MCPH1: variants seen among roughly 807,000 people sequenced by gnomAD.
MCPH1 encodes the protein microcephalin 1.
MCPH1 carries 104 observed loss-of-function variants against 84.5 expected under a neutral mutation model. The observed-to-expected ratio is 1.23, with a 90% CI of 1.05 to 1.45. The LOEUF is 1.45. Ranked by LOEUF, MCPH1 falls within the 40% of genes most tolerant of loss-of-function variation. The pLI is 0.00. For missense variants in MCPH1, 1,498 were observed against 1,005.7 expected, an observed-to-expected ratio of 1.49 and a Z score of -6.62; for synonymous variants, 514 against 366.8, an observed-to-expected ratio of 1.40 and a Z score of -4.58.
Position 6,406,689 on chromosome 8 carries a change from G to A in MCPH1, c.22G>A (p.Asp8Asn), listed in dbSNP as rs749997244. The change falls in exon 1 of 14, where the codon GAT (aspartate) becomes AAT (asparagine). Residue 8 changes from aspartate (D) to asparagine (N), a missense_variant and splice_region_variant. Asp to Asn is a conservative substitution (Grantham distance 23). Transcript: ENST00000344683. ...TGTCATGGCGGCCCCCATCCTGAAA[G>A]GTGAGGTACTTCCTGCTGCCTGCTC... MAAPILK[D>N]VVAYVEVWSS... 6.6e-5 allele frequency: 106 copies of A among 1,612,102 alleles called. No homozygotes were observed. Among genetic ancestry groups the A allele is most frequent in the Non-Finnish European group, 8.0e-5 (94 of 1,179,560 alleles).
At chr8:6,560,121 CAT>C (rs371635397) in intron 12 of MCPH1, among the ~76,000 whole-genome samples, 5 of 152,294 alleles carry the variant, frequency 3.3e-5, no homozygotes, top group Middle Eastern at 6.8e-3. Flanking sequence ...CTTCCTGACA[CAT>C]GTTTTAATTT....
intron 11 of MCPH1, among the ~76,000 whole-genome samples, chr8:6,498,932 G>T (rs573276229): frequency 1.3e-5 from 2 of 152,094 alleles, no homozygotes; most frequent in South Asian, 4.2e-4. Context: ...GGCGCCTGTG[G>T]TCCCAGCTAC....
chr8:6,455,858 C>T (rs1030304341), intron 9 of MCPH1, among the ~76,000 whole-genome samples: 4 of 151,954 alleles, frequency 2.6e-5, no homozygotes, highest in Non-Finnish European at 4.4e-5. Flanking sequence ...TTTTATGAGG[C>T]CAAAAAAGTA....
At chr8:6,484,988 A>G (rs1405539612) in intron 11 of MCPH1, among the ~76,000 whole-genome samples, 2 of 152,250 alleles carry the variant, frequency 1.3e-5, no homozygotes, top group Non-Finnish European at 2.9e-5. Context: ...CTGTACACAC[A>G]TATGCACACA....
chr8:6,428,802 AAACAATGGTCTCT>A (rs1801434377), intron 3 of MCPH1, among the ~76,000 whole-genome samples: 1 of 152,268 alleles, frequency 6.6e-6, no homozygotes, highest in African/African-American at 2.4e-5. Context: ...TTATCATGAA[AAACAATGGTCTCT>A]TTCTTGACCC....
At chr8:6,456,001 G>A (rs1030750481) in intron 9 of MCPH1, among the ~76,000 whole-genome samples, 1 of 152,128 alleles carries the variant, frequency 6.6e-6, no homozygotes, top group African/African-American at 2.4e-5. Context: ...TTGAACAGAT[G>A]GGCGGCTGCA....
chr8:6,633,783 A>G (rs1797336447), intron 13 of MCPH1, among the ~76,000 whole-genome samples: 1 of 152,224 alleles, frequency 6.6e-6, no homozygotes, highest in African/African-American at 2.4e-5. Flanking sequence ...AACTCCATGC[A>G]TTACTCACTG....
intron 9 of MCPH1, among the ~76,000 whole-genome samples, chr8:6,456,965 C>T (rs2442502): frequency 0.67 from 102,400 of 151,876 alleles, 38,587 homozygotes; most frequent in Non-Finnish European, 0.82. Context: ...CCTGTTTGAC[C>T]TTCTGGCATT....
intron 3 of MCPH1, among the ~76,000 whole-genome samples, chr8:6,417,683 C>T (rs1169849043): frequency 6.6e-6 from 1 of 152,078 alleles, no homozygotes; most frequent in Non-Finnish European, 1.5e-5. Context: ...TGTGAGATTT[C>T]TCACCTTTGG....
At chr8:6,539,831 C>T (rs2129573480) in intron 12 of MCPH1, among the ~76,000 whole-genome samples, 1 of 152,338 alleles carries the variant, frequency 6.6e-6, no homozygotes, top group South Asian at 2.1e-4. Context: ...AGGCCATCTG[C>T]CTGCCTTGGC....
chr8:6,445,117 CA>C lies in MCPH1; in HGVS notation c.1402del (p.Thr468ProfsTer32). 1 of 1,614,046 alleles carries C rather than the reference CA, an allele frequency of 6.2e-7. No homozygotes were observed. Among genetic ancestry groups the C allele is most frequent in the Non-Finnish European group, 8.5e-7 (1 of 1,179,996 alleles). The part of the protein sequence containing the change: ...FEMSDFSCVG[K>X]KTRTVDITNF... Reference sequence around the variant, plus strand: ...AAATGTCTGATTTTTCCTGCGTTGGCAAAAAAACCAGAACAGTTGACATTAC... The same window carrying C: ...AAATGTCTGATTTTTCCTGCGTTGGCAAAAAACCAGAACAGTTGACATTAC... On this transcript the variant is annotated frameshift_variant, in exon 8 of 14. Transcript: ENST00000344683. LOFTEE classifies it high-confidence loss of function.
chr8:6,567,299 G>A (rs796115115), intron 12 of MCPH1, among the ~76,000 whole-genome samples: 22 of 144,976 alleles, frequency 1.5e-4, no homozygotes, highest in African/African-American at 5.5e-4. Flanking sequence ...TAGTGTACAC[G>A]GTGCGATGAC....
chr8:6,422,513 G>C (rs1441404997), intron 3 of MCPH1, among the ~76,000 whole-genome samples: 2 of 152,136 alleles, frequency 1.3e-5, no homozygotes, highest in African/African-American at 4.8e-5. Context: ...ATGGTCACTG[G>C]TAGTGTGTTC....
intron 3 of MCPH1, among the ~76,000 whole-genome samples, chr8:6,422,819 G>A (rs1800418015): frequency 6.6e-6 from 1 of 152,240 alleles, no homozygotes; most frequent in Non-Finnish European, 1.5e-5. Context: ...CTCCCGAGTA[G>A]CTGGGACTAC....
At chr8:6,447,208 C>G (rs1334616058) in intron 8 of MCPH1, 2 of 985,142 alleles carry the variant, frequency 2.0e-6, no homozygotes, top group South Asian at 4.7e-5. Context: ...TTAAACTGTC[C>G]ACTGTCAGCC....
chr8:6,501,665 C>G (rs1174026890), intron 12 of MCPH1: 1 of 151,276 alleles, frequency 6.6e-6, no homozygotes, highest in African/African-American at 2.4e-5. Context: ...AGCAATTCTC[C>G]CTGCCTCAGC....
At position 6,646,198 on chromosome 8, in the gene MCPH1, G is replaced by T. The variant is rs568263254; in HGVS notation, c.*3149G>T. The T allele has an allele frequency of 2.0e-5, 3 of 152,200 alleles. No homozygotes were observed. Among genetic ancestry groups the T allele is most frequent in the Non-Finnish European group, 4.4e-5 (3 of 68,046 alleles). The allele number at this position is 152,200 out of a possible 1,614,324, so 9.4% of individuals were successfully genotyped here. On this transcript the variant is annotated 3_prime_UTR_variant, in exon 14 of 14. Coordinates refer to ENST00000344683, the MANE Select transcript of MCPH1 (RefSeq NM_024596.5). ...CCAGCTCTCTGGGAGGCTGAGGCGGGTGGATCACTTGAAGTCGGGAGTTTA... is the reference window on the plus strand; with the variant it reads ...CCAGCTCTCTGGGAGGCTGAGGCGGTTGGATCACTTGAAGTCGGGAGTTTA...
At chr8:6,520,848 A>G (rs907111241) in intron 12 of MCPH1, among the ~76,000 whole-genome samples, 1 of 152,192 alleles carries the variant, frequency 6.6e-6, no homozygotes, top group Non-Finnish European at 1.5e-5. Context: ...TGGGTCTGAT[A>G]TTATTTTTCC....
chr8:6,477,772 A>T, intron 10 of MCPH1, 141 bp downstream of exon 10: 3 of 731,632 alleles, frequency 4.1e-6, no homozygotes. Context: ...GAGTTAGAAG[A>T]TCACTGAAAA....
Sources: gnomAD v4.1 joint callset for allele counts (sites outside exome capture counted in the v4.1 genomes callset) on GRCh38, gnomAD v4.1.1 for gene constraint, MANE v1.5 for transcripts, NCBI Gene and HGNC (gene_info 2026-07-23, HGNC 2026-07-21) for gene names.